TRIM34: variants seen among roughly 807,000 people sequenced by gnomAD.
The protein encoded by TRIM34 is tripartite motif containing 34, also known as E3 ubiquitin-protein ligase TRIM34.
TRIM34 carries 41 observed loss-of-function variants against 38.1 expected under a neutral mutation model. That is an observed-to-expected ratio of 1.08 (90% CI 0.84 to 1.40). The LOEUF is 1.40. Ranked by LOEUF, TRIM34 falls within the 40% of genes most tolerant of loss-of-function variation. The pLI is 0.00. For synonymous variants in TRIM34, 200 were observed against 202.5 expected (o/e 0.99, Z 0.10); for missense variants, 556 against 571.4 (o/e 0.97, Z 0.27).
chr11:5,632,297 G>C lies in TRIM34; in HGVS notation c.-35G>C. 1 of 1,613,744 alleles carries C rather than the reference G, an allele frequency of 6.2e-7. No homozygotes were observed. The highest frequency in any genetic ancestry group is 8.5e-7 in the Non-Finnish European group (1 of 1,179,836). On this transcript the variant is annotated 5_prime_UTR_variant, in exon 2 of 8. Coordinates refer to ENST00000429814, the MANE Select transcript of TRIM34 (RefSeq NM_021616.6). ...ACCAGAAGAGAGAGGAGAGCCTCAG[G>C]AGTTAGGACCAGAAGAAGCCAGGGA...
In TRIM34 at chr11:5,634,617, G is replaced by A. The variant is rs775559560; in HGVS notation, c.520-14G>A. On this transcript the variant is annotated splice_polypyrimidine_tract_variant and intron_variant, in intron 3 of 7. Transcript: ENST00000429814. Reference sequence around the variant, plus strand: ...GACAAACTTACTACAACTCTCTCTTGTCCATCCTTGCAGTATCAGGTACAA... The same window carrying A: ...GACAAACTTACTACAACTCTCTCTTATCCATCCTTGCAGTATCAGGTACAA... 1 of 1,603,952 alleles carries A rather than the reference G, an allele frequency of 6.2e-7. No homozygotes were observed. Among genetic ancestry groups the A allele is most frequent in the Non-Finnish European group, 8.5e-7 (1 of 1,174,436 alleles).
chr11:5,622,338 G>A (rs928858817), upstream of TRIM34, among the ~76,000 whole-genome samples: 7 of 152,034 alleles, frequency 4.6e-5, no homozygotes, highest in Non-Finnish European at 7.4e-5. Flanking sequence ...CCGGCTACTT[G>A]GGAGGCTGAG....
At chr11:5,620,088 T>A (rs980868886), upstream of TRIM34, 1 of 151,834 alleles carries the variant, frequency 6.6e-6, no homozygotes, top group Non-Finnish European at 1.5e-5. Context: ...GGCAGTTTTT[T>A]TCCTGTGACT....
chr11:5,623,327 CG>C (rs1849062293), upstream of TRIM34, among the ~76,000 whole-genome samples: 1 of 151,404 alleles, frequency 6.6e-6, no homozygotes, highest in Non-Finnish European at 1.5e-5. Context: ...AAAGTAATTG[CG>C]GTTCTTGCTA....
In TRIM34 at chr11:5,632,544, T is replaced by G; in HGVS notation, c.213T>G (p.Asn71Lys). The G allele has an allele frequency of 6.2e-7, 1 of 1,613,948 alleles. No individual in the cohort carries two copies. ...ISYSFEHLQA[N>K]QHLANIVERL... is the part of the protein sequence containing the mutation. ...ACTCATTTGAACATCTACAGGCTAA[T>G]CAGCATCTGGCCAACATAGTGGAGA... The change falls in exon 2 of 8, where the codon AAT becomes AAG. Residue 71 changes from asparagine to lysine, a missense_variant. Asn to Lys is a moderately conservative substitution (Grantham distance 94). Transcript: ENST00000429814.
In TRIM34 at chr11:5,643,947, A is replaced by G. The variant is rs142425740; in HGVS notation, c.*238A>G. On this transcript the variant is annotated 3_prime_UTR_variant, in exon 8 of 8. Coordinates refer to ENST00000429814, the MANE Select transcript of TRIM34 (RefSeq NM_021616.6). ...CTCCTAAAGACACAGCAGTATGGGTATAACATCCTTGCCTTCCCATTTATC... is the reference window on the plus strand; with the variant it reads ...CTCCTAAAGACACAGCAGTATGGGTGTAACATCCTTGCCTTCCCATTTATC... 228 of 541,220 alleles carry G rather than the reference A, an allele frequency of 4.2e-4. No homozygotes were observed. Among genetic ancestry groups the G allele is most frequent in the Middle Eastern group, 2.8e-3 (6 of 2,134 alleles). 33.5% of individuals were successfully genotyped at this position (541,220 alleles called of 1,614,324 possible). A position where few individuals can be genotyped will look rare whatever the true frequency, so the allele number is the denominator to read the frequency against.
In TRIM34 at chr11:5,643,490, C is replaced by T; in HGVS notation, c.1248C>T (p.Ser416=). The change falls in exon 8 of 8, where the codon TCC becomes TCT. Residue 416 remains serine (S), a synonymous_variant. Transcript: ENST00000429814. ...ATGGTGTCTTTGAAGAGTCTTTGTCCTCTGATCCCGAGGTTTTGACTCTCT... is the reference window on the plus strand; with the variant it reads ...ATGGTGTCTTTGAAGAGTCTTTGTCTTCTGATCCCGAGGTTTTGACTCTCT... ...CKYGVFEESL[S]SDPEVLTLSM... 5 of 1,614,120 alleles carry T rather than the reference C, an allele frequency of 3.1e-6. No individual in the cohort carries two copies. The highest frequency in any genetic ancestry group is 4.2e-6 in the Non-Finnish European group (5 of 1,180,008).
intron 4 of TRIM34, among the ~76,000 whole-genome samples, chr11:5,639,089 C>T (rs1364302897): frequency 6.6e-6 from 1 of 152,040 alleles, no homozygotes; most frequent in African/African-American, 2.4e-5. Flanking sequence ...AGTTGTATGT[C>T]TAAGAATGCT....
intron 4 of TRIM34, among the ~76,000 whole-genome samples, chr11:5,639,679 C>CAAAAA (rs58134807): frequency 0.047 from 2,413 of 51,142 alleles, 497 homozygotes; most frequent in Non-Finnish European, 0.052. Context: ...GACTCTATTT[C>CAAAAA]AAAAAAAAAA....
upstream of TRIM34, among the ~76,000 whole-genome samples, chr11:5,622,015 A>T (rs1849006312): frequency 6.6e-6 from 1 of 152,174 alleles, no homozygotes; most frequent in Non-Finnish European, 1.5e-5. Context: ...TGGTAAAATA[A>T]ACTTTCTATA....
chr11:5,633,994 A>G, intron 3 of TRIM34, 95 bp downstream of exon 3: 3 of 1,348,196 alleles, frequency 2.2e-6, no homozygotes, highest in Non-Finnish European at 2.0e-6. Context: ...ACATTGCATG[A>G]GTCCTGAAGC....
chr11:5,639,652 C>A (rs554721715), intron 4 of TRIM34, among the ~76,000 whole-genome samples: 1 of 119,784 alleles, frequency 8.3e-6, no homozygotes, highest in Non-Finnish European at 1.6e-5. Flanking sequence ...TGCACTCCAG[C>A]CTGGGTGACA....
intron 1 of TRIM34, 93 bp from the exon 2 acceptor site, chr11:5,632,162 G>C: frequency 3.4e-6 from 5 of 1,487,512 alleles, no homozygotes; most frequent in Non-Finnish European, 4.5e-6. Context: ...TTTGTTCTTT[G>C]ATATTGCAGT....
chr11:5,637,865 A>G (rs981307871), intron 4 of TRIM34, among the ~76,000 whole-genome samples: 1 of 152,208 alleles, frequency 6.6e-6, no homozygotes, highest in Non-Finnish European at 1.5e-5. Flanking sequence ...CAGGTTTCTT[A>G]TAAGGGTCTG....
Position 5,643,125 on chromosome 11 carries a change from A to ATATATATATT in TRIM34, c.902-18_902-17insATATATATTT, listed in dbSNP as rs1554923130. On this transcript the variant is annotated intron_variant, in intron 7 of 7. Coordinates refer to ENST00000429814, the MANE Select transcript of TRIM34 (RefSeq NM_021616.6). ...ATTATATTCATATACATATATATAT[A>ATATATATATT]TTTTTTTTTTTCTTGCAGTGGATGT... 9.6e-5 allele frequency: 94 copies of ATATATATATT among 974,400 alleles called. No homozygotes were observed. The highest frequency in any genetic ancestry group is 1.1e-4 in the Non-Finnish European group (82 of 761,732). The allele number at this position is 974,400 out of a possible 1,614,324, so 60.4% of individuals were successfully genotyped here.
chr11:5,633,967 G>A (rs563582409), intron 3 of TRIM34, 68 bp downstream of exon 3: 22 of 1,550,726 alleles, frequency 1.4e-5, no homozygotes, highest in South Asian at 4.6e-5. Context: ...AGGAGGCCTC[G>A]TCCTTTTTAT....
At chr11:5,623,105 CTT>C (rs11301714), upstream of TRIM34, among the ~76,000 whole-genome samples, 517 of 106,846 alleles carry the variant, frequency 4.8e-3, no homozygotes, top group African/African-American at 0.013. Context: ...CTGTCTGGAG[CTT>C]TTTTTTTTTT....
chr11:5,634,526 CACACATATATATAT>C lies in TRIM34; in HGVS notation c.520-103_520-90del, dbSNP rs1291355986. On this transcript the variant is annotated intron_variant, in intron 3 of 7. Coordinates refer to ENST00000429814, the MANE Select transcript of TRIM34 (RefSeq NM_021616.6). ...ACACACACACACACACACACACACA[CACACATATATATAT>C]ATATATATTTCCCTACTGGCTCCTA... is the stretch of plus-strand genomic sequence containing the variant. 45 of 653,470 alleles carry C rather than the reference CACACATATATATAT, an allele frequency of 6.9e-5. No homozygotes were observed. The African/African-American group carries it at 8.4e-4, about 12-fold the overall frequency. The allele number at this position is 653,470 out of a possible 1,614,324, so 40.5% of individuals were successfully genotyped here.
rs1850136600 is a variant in TRIM34, at chr11:5,644,014, G to A, written c.*305G>A. 1 of 457,044 alleles carries A rather than the reference G, an allele frequency of 2.2e-6. No individual in the cohort carries two copies. Among genetic ancestry groups the A allele is most frequent in the Non-Finnish European group, 3.8e-6 (1 of 265,182 alleles). The allele number at this position is 457,044 out of a possible 1,614,324, so 28.3% of individuals were successfully genotyped here. A position where few individuals can be genotyped will look rare whatever the true frequency, so the allele number is the denominator to read the frequency against. On this transcript the variant is annotated 3_prime_UTR_variant, in exon 8 of 8. Coordinates refer to ENST00000429814, the MANE Select transcript of TRIM34 (RefSeq NM_021616.6). Reference sequence around the variant, plus strand: ...ACTGATATGAAGAGGCCCAAAGCCTGTTAGCCACCATCCATGCTACCTAGG... The same window carrying A: ...ACTGATATGAAGAGGCCCAAAGCCTATTAGCCACCATCCATGCTACCTAGG...
Sources: allele counts gnomAD v4.1 joint callset (sites outside exome capture counted in the v4.1 genomes callset), GRCh38; gene constraint gnomAD v4.1.1; transcripts MANE v1.5; gene names NCBI Gene and HGNC (gene_info 2026-07-23, HGNC 2026-07-21).